The following CALN1 variants were observed in gnomAD, a reference collection of about 807,000 sequenced individuals.
CALN1 encodes the protein calcium-binding protein 8.
A neutral mutation model predicts 30.6 loss-of-function variants in CALN1; 17 were observed. The observed-to-expected ratio is 0.56, with a 90% confidence interval of 0.38 to 0.83. The LOEUF (loss-of-function observed/expected upper bound fraction) is 0.83, where lower values mean the gene tolerates loss of function less well. CALN1 is among the 40% of genes least tolerant of loss of function. The pLI, the probability that CALN1 is intolerant of heterozygous loss-of-function variation, is 0.00. For missense variants in CALN1, 291 were observed against 354.9 expected, an observed-to-expected ratio of 0.82 and a Z score of 1.45; for synonymous variants, 156 against 131.4, an observed-to-expected ratio of 1.19 and a Z score of -1.28.
At chr7:71,812,642 TC>T (rs1206256535) in intron 5 of CALN1, among the ~76,000 whole-genome samples, 2 of 152,152 alleles carry the variant, frequency 1.3e-5, no homozygotes, top group Non-Finnish European at 2.9e-5. Context: ...ACTCAGAAAT[TC>T]CTGGCGTTGC....
intron 2 of CALN1, among the ~76,000 whole-genome samples, chr7:72,362,572 G>A (rs895612903): frequency 9.2e-5 from 14 of 152,104 alleles, no homozygotes; most frequent in African/African-American, 3.4e-4. Context: ...CACAGATAAT[G>A]ATTCTCCATG....
the CALN1 span, among the ~76,000 whole-genome samples, chr7:72,501,864 A>G: frequency 7.1e-6 from 1 of 140,528 alleles, no homozygotes; most frequent in East Asian, 2.1e-4. Context: ...AGCTGAGATC[A>G]TGCCACTGCA....
chr7:72,370,802 T>C (rs994736474), intron 2 of CALN1, among the ~76,000 whole-genome samples: 8 of 152,084 alleles, frequency 5.3e-5, no homozygotes, highest in Non-Finnish European at 1.2e-4. Context: ...ATCCCAGCAC[T>C]TTGGGAGGCC....
At chr7:72,492,573 C>T in the CALN1 span, among the ~76,000 whole-genome samples, 1 of 152,250 alleles carries the variant, frequency 6.6e-6, no homozygotes, top group Non-Finnish European at 1.5e-5. Context: ...CTGTTTCTCA[C>T]AGTCACAAGC....
chr7:72,187,413 G>C (rs371259228), intron 3 of CALN1, among the ~76,000 whole-genome samples: 1 of 152,120 alleles, frequency 6.6e-6, no homozygotes, highest in Non-Finnish European at 1.5e-5. Flanking sequence ...GTTAGGAACC[G>C]GGCCACACAG....
chr7:72,285,489 C>T (rs745750888), intron 2 of CALN1, among the ~76,000 whole-genome samples: 14 of 152,002 alleles, frequency 9.2e-5, no homozygotes, highest in Admixed American at 3.9e-4. Context: ...GTGATCTGCC[C>T]GCCTCGGCCT....
At chr7:72,186,786 C>T (rs1348602507) in intron 3 of CALN1, among the ~76,000 whole-genome samples, 1 of 151,502 alleles carries the variant, frequency 6.6e-6, no homozygotes, top group African/African-American at 2.4e-5. Flanking sequence ...CGCACATGTA[C>T]CACCTTTTCT....
At chr7:72,368,908 G>C (rs1238444548) in intron 2 of CALN1, among the ~76,000 whole-genome samples, 1 of 149,460 alleles carries the variant, frequency 6.7e-6, no homozygotes, top group East Asian at 2.0e-4. Context: ...TCCACCTACT[G>C]GGTTCAAGCG....
In CALN1 at chr7:72,260,915, A is replaced by ACC. The variant is rs549218301; in HGVS notation, c.244+17769_244+17770dup. On this transcript the variant is annotated intron_variant, in intron 3 of 6. Transcript: ENST00000395275. ...CTAGGTTCAGAGATGTTAAATTCCCACCCAGATGGTTGAGGTCTGCAACAT... is the reference window on the plus strand; with the variant it reads ...CTAGGTTCAGAGATGTTAAATTCCCACCCCCAGATGGTTGAGGTCTGCAACAT... Among the ~76,000 whole-genome samples, 3 of 152,184 alleles carry ACC rather than the reference A, an allele frequency of 2.0e-5. No individual in the cohort carries two copies. In the South Asian group the frequency reaches 6.2e-4, roughly 32 times the overall value.
intron 5 of CALN1, among the ~76,000 whole-genome samples, chr7:71,980,911 G>C (rs562134027): frequency 1.4e-4 from 22 of 152,194 alleles, no homozygotes; most frequent in African/African-American, 5.3e-4. Flanking sequence ...CTGAGAGCAG[G>C]CTCCTCGACT....
intron 3 of CALN1, among the ~76,000 whole-genome samples, chr7:72,132,055 TTTA>T (rs1809185953): frequency 6.6e-6 from 1 of 152,190 alleles, no homozygotes; most frequent in Non-Finnish European, 1.5e-5. Flanking sequence ...GCAATATATG[TTTA>T]TTGATATATA....
chr7:71,860,921 C>T (rs1452124154), intron 5 of CALN1, among the ~76,000 whole-genome samples: 1 of 152,092 alleles, frequency 6.6e-6, no homozygotes, highest in Non-Finnish European at 1.5e-5. Context: ...GATGATCCCA[C>T]GGAGAACTCT....
chr7:72,498,126 T>C, the CALN1 span, among the ~76,000 whole-genome samples: 1 of 152,104 alleles, frequency 6.6e-6, no homozygotes, highest in Non-Finnish European at 1.5e-5. Context: ...AATAGATAAA[T>C]TATCCAAAAG....
At chr7:72,419,161 G>A (rs567890883) in intron 1 of CALN1, among the ~76,000 whole-genome samples, 2 of 152,234 alleles carry the variant, frequency 1.3e-5, no homozygotes, top group South Asian at 2.1e-4. Context: ...CCCTGCTGAC[G>A]ACGCCCTGCC....
intron 1 of CALN1, among the ~76,000 whole-genome samples, chr7:72,439,333 C>T (rs1808273971): frequency 6.6e-6 from 1 of 152,148 alleles, no homozygotes; most frequent in South Asian, 2.1e-4. Context: ...TGCCCAGTCA[C>T]ATATGACTTT....
chr7:72,266,915 C>T (rs1562815248), intron 3 of CALN1, among the ~76,000 whole-genome samples: 1 of 152,152 alleles, frequency 6.6e-6, no homozygotes, highest in Non-Finnish European at 1.5e-5. Flanking sequence ...GTCAAGCCTC[C>T]AGGAGGAAGG....
chr7:71,888,339 C>A (rs895755207), intron 5 of CALN1, among the ~76,000 whole-genome samples: 1 of 151,436 alleles, frequency 6.6e-6, no homozygotes, highest in Admixed American at 6.6e-5. Flanking sequence ...GGGATGACTG[C>A]AGAACTCTAT....
chr7:72,027,380 G>A (rs1409866364), intron 4 of CALN1, among the ~76,000 whole-genome samples: 1 of 152,134 alleles, frequency 6.6e-6, no homozygotes, highest in Non-Finnish European at 1.5e-5. Flanking sequence ...TGTTCATAGA[G>A]GCTTAGAAGC....
chr7:71,958,485 A>G lies in CALN1; in HGVS notation c.501+65172T>C, dbSNP rs377499049. ...CTGTCAAAGACCTTATTGGTCCTTC[A>G]CAAAGTACCAATAGACTACCAAGTT... On this transcript the variant is annotated intron_variant, in intron 5 of 6. Coordinates refer to ENST00000395275, the MANE Select transcript of CALN1 (RefSeq NM_031468.4). Among the ~76,000 whole-genome samples the G allele has an allele frequency of 7.6e-4, 115 of 152,308 alleles. 1 individual carries two copies. Among genetic ancestry groups the G allele is most frequent in the African/African-American group, 2.7e-3 (111 of 41,572 alleles).
Sources: gnomAD v4.1 joint callset for allele counts (sites outside exome capture counted in the v4.1 genomes callset) on GRCh38, gnomAD v4.1.1 for gene constraint, MANE v1.5 for transcripts, NCBI Gene and HGNC (gene_info 2026-07-23, HGNC 2026-07-21) for gene names.